DEPDC5: variants seen among roughly 807,000 people sequenced by gnomAD.
The protein encoded by DEPDC5 is DEP domain containing 5, GATOR1 subcomplex subunit.
DEPDC5 carries 73 observed loss-of-function variants against 217.3 expected under a neutral mutation model. The ratio of observed to expected loss-of-function variants is 0.34; its 90% CI spans 0.28 to 0.41. The LOEUF (loss-of-function observed/expected upper bound fraction) is 0.41. DEPDC5 is among the 10% of genes least tolerant of loss of function. DEPDC5 has a pLI of 1.00. For synonymous variants in DEPDC5, 733 were observed against 756.7 expected (o/e 0.97, Z 0.51); for missense variants, 1,675 against 2,070.1 (o/e 0.81, Z 3.70).
intron 27 of DEPDC5, among the ~76,000 whole-genome samples, chr22:31,840,109 ATATAAT>A (rs1221454750): frequency 6.6e-6 from 1 of 152,230 alleles, no homozygotes; most frequent in Non-Finnish European, 1.5e-5. Context: ...AAACTATGAA[ATATAAT>A]TATATGTTGT....
At chr22:31,856,595 A>C (rs999995608) in intron 31 of DEPDC5, among the ~76,000 whole-genome samples, 1 of 152,178 alleles carries the variant, frequency 6.6e-6, no homozygotes, top group Non-Finnish European at 1.5e-5. Context: ...CAGAACCGAG[A>C]TGGGGTGAGA....
At chr22:31,877,246 G>A (rs957047629) in intron 37 of DEPDC5, among the ~76,000 whole-genome samples, 7 of 147,186 alleles carry the variant, frequency 4.8e-5, no homozygotes, top group Non-Finnish European at 8.9e-5. Context: ...GACCAGCCTG[G>A]GCAACACGAT....
At chr22:31,899,655 G>T (rs554212221) in intron 40 of DEPDC5, among the ~76,000 whole-genome samples, 1 of 152,334 alleles carries the variant, frequency 6.6e-6, no homozygotes, top group South Asian at 2.1e-4. Context: ...GCTTCCCAAA[G>T]TTCTGGGATT....
At chr22:31,775,772 T>C (rs571207081) in intron 7 of DEPDC5, among the ~76,000 whole-genome samples, 4 of 152,160 alleles carry the variant, frequency 2.6e-5, no homozygotes, top group African/African-American at 9.6e-5. Context: ...CTGGGCACAG[T>C]GGCTCACACC....
chr22:31,771,235 G>C (rs931800829), intron 7 of DEPDC5, among the ~76,000 whole-genome samples: 1 of 151,954 alleles, frequency 6.6e-6, no homozygotes, highest in African/African-American at 2.4e-5. Flanking sequence ...TCATCAACTA[G>C]GTCTATTTGA....
intron 33 of DEPDC5, among the ~76,000 whole-genome samples, chr22:31,865,820 C>T (rs2092673829): frequency 6.6e-6 from 1 of 152,208 alleles, no homozygotes; most frequent in African/African-American, 2.4e-5. Context: ...AGCTGTGGGT[C>T]TGCAAGTTAT....
intron 37 of DEPDC5, among the ~76,000 whole-genome samples, chr22:31,879,243 C>G (rs1049558930): frequency 2.6e-5 from 4 of 151,700 alleles, no homozygotes; most frequent in Non-Finnish European, 1.5e-5. Context: ...TCATGTCCAT[C>G]TAGTTCCTGA....
At chr22:31,763,688 C>G (rs1444521900) in intron 4 of DEPDC5, among the ~76,000 whole-genome samples, 1 of 151,414 alleles carries the variant, frequency 6.6e-6, no homozygotes, top group Non-Finnish European at 1.5e-5. Flanking sequence ...CATGCCTTGG[C>G]CTCCTAAAGT....
At chr22:31,890,792 C>G (rs1054211781) in intron 38 of DEPDC5, among the ~76,000 whole-genome samples, 1 of 151,866 alleles carries the variant, frequency 6.6e-6, no homozygotes, top group African/African-American at 2.4e-5. Flanking sequence ...ATGGTGCGAT[C>G]TCGGCTCACT....
chr22:31,903,198 C>A (rs2093682189), intron 41 of DEPDC5, among the ~76,000 whole-genome samples: 1 of 99,170 alleles, frequency 1.0e-5, no homozygotes, highest in Non-Finnish European at 2.0e-5. Flanking sequence ...CCTAACCCCC[C>A]TCCACCTTCC....
intron 4 of DEPDC5, 25 bp downstream of exon 4, chr22:31,760,727 G>T (rs964318369): frequency 1.9e-6 from 3 of 1,575,650 alleles, no homozygotes; most frequent in Non-Finnish European, 2.6e-6. Context: ...ACTCTTCTTA[G>T]AATTTTTTAT....
In DEPDC5 at chr22:31,873,759, C is replaced by T. The variant is rs867841986; in HGVS notation, c.3563+427C>T. ...GTTCCCATCTTTTCCTTTCTCTCCC[C>T]CTTCTCCTTTTTCCCCATAACAACT... On this transcript the variant is annotated intron_variant, in intron 35 of 42. Coordinates refer to ENST00000651528, the MANE Select transcript of DEPDC5 (RefSeq NM_001242896.3). 8 of 167,094 alleles carry T rather than the reference C, an allele frequency of 4.8e-5. No individual in the cohort carries two copies. In the South Asian group the frequency reaches 1.3e-3, roughly 26 times the overall value. The allele number at this position is 167,094 out of a possible 1,614,324, so 10.4% of individuals were successfully genotyped here.
intron 39 of DEPDC5, among the ~76,000 whole-genome samples, chr22:31,895,541 G>A (rs2093534603): frequency 1.3e-5 from 2 of 152,126 alleles, no homozygotes; most frequent in South Asian, 4.1e-4. Flanking sequence ...TAGCCAAAAA[G>A]AATATTCTTC....
intron 2 of DEPDC5, chr22:31,755,226 T>C: frequency 1.9e-6 from 1 of 523,798 alleles, no homozygotes; most frequent in Non-Finnish European, 3.4e-6. Context: ...TTGAATTGCA[T>C]TATTAATTAC....
chr22:31,802,159 T>G (rs1442158024), intron 14 of DEPDC5, among the ~76,000 whole-genome samples: 1 of 149,502 alleles, frequency 6.7e-6, no homozygotes, highest in African/African-American at 2.5e-5. Flanking sequence ...AGACAGGTTC[T>G]TGCTCTGTTG....
Position 31,870,580 on chromosome 22 carries a change from TCTC to T in DEPDC5, c.3331-7_3331-5del. The T allele has an allele frequency of 2.0e-6, 3 of 1,492,736 alleles. No homozygotes were observed. The highest frequency in any genetic ancestry group is 2.7e-6 in the Non-Finnish European group (3 of 1,119,754). 92.5% of individuals were successfully genotyped at this position (1,492,736 alleles called of 1,614,324 possible). On this transcript the variant is annotated splice_region_variant and splice_polypyrimidine_tract_variant and intron_variant, in intron 33 of 42. Transcript: ENST00000651528. ...TTGGAATCAAGTATTCATTTTTAAA[TCTC>T]CTGCAGGTATCTGTGGACCAAACAG...
chr22:31,890,483 G>C (rs541164123), intron 38 of DEPDC5: 4 of 152,004 alleles, frequency 2.6e-5, no homozygotes, highest in Non-Finnish European at 5.9e-5. Flanking sequence ...GCCGAGGTGG[G>C]CAGGTCAATT....
chr22:31,822,912 G>A, intron 24 of DEPDC5, 122 bp downstream of exon 24: 1 of 991,782 alleles, frequency 1.0e-6, no homozygotes, highest in Non-Finnish European at 1.5e-6. Flanking sequence ...ACACTTTTGG[G>A]TGACCTATTT....
rs2086542989 is a variant in DEPDC5, at chr22:31,798,772, A to G, written c.946+116A>G. 3.2e-6 allele frequency: 3 copies of G among 925,672 alleles called. No homozygotes were observed. In the African/African-American group the frequency reaches 5.1e-5, roughly 16 times the overall value. 57.3% of individuals were successfully genotyped at this position (925,672 alleles called of 1,614,324 possible). A position where few individuals can be genotyped will look rare whatever the true frequency, so the allele number is the denominator to read the frequency against. The stretch of plus-strand genomic sequence containing the variant: ...GTTCTTGGATCTTGCAGAAGAAAGA[A>G]TTCAGGACCAGTCCACAGAATAAAG... On this transcript the variant is annotated intron_variant, in intron 14 of 42. Coordinates refer to ENST00000651528, the MANE Select transcript of DEPDC5 (RefSeq NM_001242896.3).
Sources: gnomAD v4.1 joint callset for allele counts (sites outside exome capture counted in the v4.1 genomes callset) on GRCh38, gnomAD v4.1.1 for gene constraint, MANE v1.5 for transcripts, NCBI Gene and HGNC (gene_info 2026-07-23, HGNC 2026-07-21) for gene names.